The following RORC variants were observed in gnomAD, a reference collection of about 807,000 sequenced individuals.
The protein encoded by RORC is RAR related orphan receptor C.
A neutral mutation model predicts 64.5 loss-of-function variants in RORC; 13 were observed. The observed-to-expected ratio is 0.20, with a 90% CI of 0.13 to 0.32. The LOEUF is 0.32. Among genes scored for constraint, RORC ranks in the 10% least tolerant of loss-of-function variants. The pLI, the probability that RORC is intolerant of heterozygous loss-of-function variation, is 1.00. For missense variants in RORC, 468 were observed against 669.5 expected (o/e 0.70, Z 3.32); for synonymous variants, 277 against 259.3 (o/e 1.07, Z -0.65).
rs760810577 is a variant in RORC at position 151,814,649 on chromosome 1, C to T, written c.858G>A (p.Gln286=). ...GCCGCAGCAGGTCCTCCAGCCGCAG[C>T]TGGCATGTCTCCCTGTAGGACTTGC... ...SVCKSYRETC[Q]LRLEDLLRQR... Residue 286 remains glutamine, a synonymous_variant, in exon 6 of 11, where the codon CAG becomes CAA. Transcript: ENST00000318247. 21 of 1,612,954 alleles carry T rather than the reference C, an allele frequency of 1.3e-5. No homozygotes were observed. The highest frequency in any genetic ancestry group is 1.7e-4 in the Middle Eastern group (1 of 6,050).
At chr1:151,823,886 AG>A (rs1017179101) in intron 2 of RORC, among the ~76,000 whole-genome samples, 1 of 152,148 alleles carries the variant, frequency 6.6e-6, no homozygotes, top group Admixed American at 6.5e-5. Context: ...CTCAAGCCTC[AG>A]CCTCCTGAAG....
chr1:151,821,301 C>T (rs1401795964), intron 2 of RORC, among the ~76,000 whole-genome samples: 2 of 151,934 alleles, frequency 1.3e-5, no homozygotes, highest in Non-Finnish European at 1.5e-5. Flanking sequence ...ACCCCAGAAC[C>T]ACCACCCCCC....
intron 2 of RORC, among the ~76,000 whole-genome samples, chr1:151,829,087 T>A (rs1332036189): frequency 7.1e-6 from 1 of 139,880 alleles, no homozygotes; most frequent in Non-Finnish European, 1.5e-5. Context: ...CCTACCTCTA[T>A]CTCCTTCCTT....
In RORC at chr1:151,807,498, C is replaced by T. The variant is rs1469359718; in HGVS notation, c.1531G>A (p.Glu511Lys). The change falls in exon 11 of 11, where the codon GAG becomes AAG. Residue 511 changes from glutamate (E) to lysine (K), a missense_variant. Transcript: ENST00000318247. The surrounding 1 kb of genome is among the most constrained non-coding windows in gnomAD (Gnocchi z 5.0). ...LYKELFSTET[E>K]SPVGLSK The stretch of plus-strand genomic sequence containing the variant: ...CACTTGGACAGCCCCACAGGTGACT[C>T]GGTTTCAGTGCTGAAGAGCTCCTTG... 13 of 1,614,178 alleles carry T rather than the reference C, an allele frequency of 8.1e-6. No individual in the cohort carries two copies. Among genetic ancestry groups the T allele is most frequent in the East Asian group, 4.5e-5 (2 of 44,884 alleles).
At chr1:151,823,955 T>C (rs1319004333) in intron 2 of RORC, among the ~76,000 whole-genome samples, 3 of 152,204 alleles carry the variant, frequency 2.0e-5, no homozygotes, top group African/African-American at 4.8e-5. Flanking sequence ...TTGGCTCTAT[T>C]GGTGTTTCTC....
rs201666768 is a variant in RORC, at chr1:151,831,795, C to T, written c.-31G>A. 97 of 1,602,654 alleles carry T rather than the reference C, an allele frequency of 6.1e-5. No individual in the cohort carries two copies. The highest frequency in any genetic ancestry group is 1.0e-4 in the Admixed American group (6 of 59,162). ...AGCTCCCTTGGTGCCGTCCTGGCTG[C>T]CCTGGCTGCCCAGGAGGGCAGGGAG... On this transcript the variant is annotated 5_prime_UTR_variant, in exon 1 of 11. Transcript: ENST00000318247.
chr1:151,828,928 G>A (rs1352256986), intron 2 of RORC, among the ~76,000 whole-genome samples: 1 of 151,176 alleles, frequency 6.6e-6, no homozygotes, highest in Admixed American at 6.6e-5. Context: ...GCAGTGAGCC[G>A]AGATTGTGCC....
rs376680588 is a variant in RORC at position 151,818,992 on chromosome 1, T to G, written c.71-1712A>C. On this transcript the variant is annotated intron_variant, in intron 2 of 10. Transcript: ENST00000318247. The stretch of plus-strand genomic sequence containing the variant: ...GACGGGGACAGGGCACATGGGTATC[T>G]GAAATCCCTTCATTAGCACTCAATT... 2.6e-5 allele frequency among the ~76,000 whole-genome samples: 4 copies of G among 152,318 alleles called. 1 individual carries two copies. In the South Asian group the frequency reaches 8.3e-4, roughly 32 times the overall value.
rs1652358898 is a variant in RORC, at chr1:151,830,380, T to C, written c.41-922A>G. Among the ~76,000 whole-genome samples the C allele has an allele frequency of 6.6e-6, 1 of 151,702 alleles. No individual in the cohort carries two copies. Among genetic ancestry groups the C allele is most frequent in the Admixed American group, 6.6e-5 (1 of 15,234 alleles). ...AGCATGGTTGGTGGGTGGGGGGGTG[T>C]CACCCATTCATGCAGTTAACATCTA... On this transcript the variant is annotated intron_variant, in intron 1 of 10. Coordinates refer to ENST00000318247, the MANE Select transcript of RORC (RefSeq NM_005060.4). This position sits in a 1 kb window ranked among gnomAD's most constrained non-coding sequence, Gnocchi z 4.0.
At position 151,822,986 on chromosome 1, in the gene RORC, G is replaced by T. The variant is rs902110549; in HGVS notation, c.71-5706C>A. On this transcript the variant is annotated intron_variant, in intron 2 of 10. Coordinates refer to ENST00000318247, the MANE Select transcript of RORC (RefSeq NM_005060.4). ...TCAGCAGCACAGCGGCAGGGGATGG[G>T]GAGGAGCCCTTGGTAGGGACCGAAT... is the stretch of plus-strand genomic sequence containing the variant. Among the ~76,000 whole-genome samples, 3 of 152,310 alleles carry T rather than the reference G, an allele frequency of 2.0e-5. No homozygotes were observed. The South Asian group carries it at 6.2e-4, about 32-fold the overall frequency.
intron 10 of RORC, among the ~76,000 whole-genome samples, chr1:151,809,230 C>G (rs1342446011): frequency 9.0e-6 from 1 of 111,076 alleles, no homozygotes; most frequent in Non-Finnish European, 2.2e-5. Flanking sequence ...GAAACCCTGT[C>G]TCTACTAAAA....
chr1:151,810,533 A>AT (rs5777785), intron 10 of RORC, among the ~76,000 whole-genome samples: 1,758 of 142,034 alleles, frequency 0.012, 46 homozygotes, highest in African/African-American at 0.04. Flanking sequence ...CTACAAGGAG[A>AT]TTTTTTTTTT....
chr1:151,831,191 G>T, intron 1 of RORC: 1 of 1,134,896 alleles, frequency 8.8e-7, no homozygotes, highest in Non-Finnish European at 1.1e-6. Context: ...CAGGCTACGT[G>T]GTCATGGGCA....
At chr1:151,831,543 T>C in intron 1 of RORC, 182 bp downstream of exon 1, 1 of 586,748 alleles carries the variant, frequency 1.7e-6, no homozygotes, top group South Asian at 7.4e-5. Context: ...TCCTCTGTCA[T>C]CTCCCCAGCC....
chr1:151,814,440 C>CA, intron 6 of RORC, 134 bp downstream of exon 6: 1 of 851,348 alleles, frequency 1.2e-6, no homozygotes, highest in East Asian at 2.7e-5. Flanking sequence ...AAAAGGTGTG[C>CA]ACATGCTTGT....
intron 2 of RORC, among the ~76,000 whole-genome samples, chr1:151,828,189 G>C (rs1652271512): frequency 6.6e-6 from 1 of 152,164 alleles, no homozygotes; most frequent in African/African-American, 2.4e-5. Context: ...ACTTGGAACA[G>C]GGAGGCTCTA....
intron 2 of RORC, among the ~76,000 whole-genome samples, chr1:151,824,940 G>A (rs1311452086): frequency 6.6e-6 from 1 of 152,192 alleles, no homozygotes; most frequent in Non-Finnish European, 1.5e-5. Context: ...TGGCTTGTGG[G>A]AAGACCCCAG....
At chr1:151,814,877 A>T (rs1200962450) in intron 5 of RORC, 36 bp downstream of exon 5, 1 of 1,592,548 alleles carries the variant, frequency 6.3e-7, no homozygotes, top group African/African-American at 1.3e-5. Context: ...CCCCTCCCTC[A>T]TCTCTACCAC....
intron 1 of RORC, among the ~76,000 whole-genome samples, chr1:151,829,772 G>T (rs1652335098): frequency 6.6e-6 from 1 of 152,166 alleles, no homozygotes; most frequent in Non-Finnish European, 1.5e-5. Flanking sequence ...TCAGGTCTCT[G>T]ATTATGTTTC....
Sources: gnomAD v4.1 joint callset for allele counts (sites outside exome capture counted in the v4.1 genomes callset) on GRCh38, gnomAD v4.1.1 for gene constraint, Gnocchi (gnomAD v3.1) non-coding constraint, MANE v1.5 for transcripts, NCBI Gene and HGNC (gene_info 2026-07-23, HGNC 2026-07-21) for gene names.